The following ASRGL1 variants were observed in gnomAD, a reference collection of about 807,000 sequenced individuals.
ASRGL1 encodes the protein isoaspartyl peptidase/L-asparaginase.
In ASRGL1, 16 loss-of-function variants were observed where a neutral mutation model predicts 22.4. That is an observed-to-expected ratio of 0.71 (90% CI 0.48 to 1.08). The LOEUF (loss-of-function observed/expected upper bound fraction) is 1.08, where lower values mean the gene tolerates loss of function less well. Ranked by LOEUF, ASRGL1 falls within the 50% of genes least tolerant of loss-of-function variation. The pLI, the probability that ASRGL1 is intolerant of heterozygous loss-of-function variation, is 0.00. For missense variants in ASRGL1, 412 were observed against 410.1 expected (o/e 1.00, Z -0.04); for synonymous variants, 165 against 159.3 (o/e 1.04, Z -0.27).
the ASRGL1 span, among the ~76,000 whole-genome samples, chr11:62,399,202 ACAAAACTC>A: frequency 6.6e-6 from 1 of 152,090 alleles, no homozygotes; most frequent in Non-Finnish European, 1.5e-5. Context: ...GGCGACAAGA[ACAAAACTC>A]CAACTCAAAA....
At chr11:62,383,913 C>CAAAA (rs35068655) in intron 4 of ASRGL1, among the ~76,000 whole-genome samples, 9 of 122,250 alleles carry the variant, frequency 7.4e-5, no homozygotes, top group African/African-American at 1.3e-4. Context: ...GAGTTGGTCT[C>CAAAA]AAAAAAAAAA....
intron 4 of ASRGL1, 96 bp from the exon 5 acceptor site, chr11:62,389,037 T>C: frequency 4.7e-6 from 5 of 1,060,790 alleles, no homozygotes; most frequent in Non-Finnish European, 7.1e-6. Context: ...CATCAACATA[T>C]AACATGAAAC....
At chr11:62,383,453 A>G (rs1292210745) in intron 4 of ASRGL1, among the ~76,000 whole-genome samples, 1 of 151,086 alleles carries the variant, frequency 6.6e-6, no homozygotes, top group Non-Finnish European at 1.5e-5. Context: ...AATACAAAAA[A>G]TTAGCCGGGC....
intron 4 of ASRGL1, among the ~76,000 whole-genome samples, chr11:62,375,146 A>T (rs538174806): frequency 1.5e-4 from 23 of 152,126 alleles, no homozygotes; most frequent in Non-Finnish European, 2.8e-4. Context: ...CAAAGTGAAG[A>T]CTGCCTTGTC....
At chr11:62,366,455 T>C (rs1190207815) in intron 4 of ASRGL1, among the ~76,000 whole-genome samples, 617 of 140,762 alleles carry the variant, frequency 4.4e-3, no homozygotes, top group African/African-American at 0.015. Flanking sequence ...GAGGTGGGCC[T>C]GCCACCAGCA....
the ASRGL1 span, among the ~76,000 whole-genome samples, chr11:62,400,103 C>T: frequency 1.3e-5 from 2 of 152,160 alleles, no homozygotes; most frequent in African/African-American, 4.8e-5. Context: ...GTCTAAACCC[C>T]TTGGCCGACT....
chr11:62,357,481 C>G (rs7483087), intron 4 of ASRGL1, among the ~76,000 whole-genome samples: 2 of 141,744 alleles, frequency 1.4e-5, no homozygotes, highest in African/African-American at 5.2e-5. Context: ...AGGCTGGTCT[C>G]AAACTCCTGA....
chr11:62,395,759 C>CTTTTTTTTTTTTT (rs564952668), downstream of ASRGL1, among the ~76,000 whole-genome samples: 1 of 71,942 alleles, frequency 1.4e-5, no homozygotes, highest in African/African-American at 5.1e-5. Flanking sequence ...GTAGCTGTTT[C>CTTTTTTTTTTTTT]TTTTTTTTTT....
intron 4 of ASRGL1, among the ~76,000 whole-genome samples, chr11:62,381,293 T>C (rs1195579719): frequency 1.3e-5 from 2 of 152,190 alleles, no homozygotes; most frequent in African/African-American, 4.8e-5. Context: ...TGGACCTTTT[T>C]CTTCTAATTC....
chr11:62,388,105 C>G (rs1009489371), intron 4 of ASRGL1, among the ~76,000 whole-genome samples: 1 of 152,130 alleles, frequency 6.6e-6, no homozygotes, highest in African/African-American at 2.4e-5. Context: ...CAGCATGTGA[C>G]TGTCCTGAAT....
chr11:62,357,356 T>C (rs555080805), intron 4 of ASRGL1, among the ~76,000 whole-genome samples: 8 of 151,640 alleles, frequency 5.3e-5, no homozygotes, highest in African/African-American at 1.7e-4. Context: ...CTCAAGCGGT[T>C]CTCCTGCCTC....
intron 6 of ASRGL1, 196 bp downstream of exon 6, chr11:62,391,828 T>C: frequency 1.3e-6 from 1 of 764,568 alleles, no homozygotes; most frequent in East Asian, 2.7e-5. Flanking sequence ...TACTGTTATC[T>C]TCCACATCTC....
downstream of ASRGL1, among the ~76,000 whole-genome samples, chr11:62,397,958 G>T (rs1435013622): frequency 6.6e-6 from 1 of 152,012 alleles, no homozygotes; most frequent in African/African-American, 2.4e-5. Flanking sequence ...GGCACTGCTT[G>T]CTGGGTAGTT....
intron 4 of ASRGL1, chr11:62,371,144 A>G (rs891350401): frequency 6.6e-5 from 73 of 1,100,900 alleles, no homozygotes; most frequent in Non-Finnish European, 7.7e-5. Flanking sequence ...ATGCCCAGGA[A>G]GAAGGCGGCG....
intron 4 of ASRGL1, chr11:62,372,068 G>A: frequency 1.3e-6 from 1 of 759,602 alleles, no homozygotes; most frequent in Non-Finnish European, 2.4e-6. Flanking sequence ...GGTGCGGACA[G>A]TGGTCTCTGG....
At chr11:62,385,019 TATAACTTCCCAATATTAA>T (rs1426825266) in intron 4 of ASRGL1, among the ~76,000 whole-genome samples, 1 of 146,884 alleles carries the variant, frequency 6.8e-6, no homozygotes, top group Non-Finnish European at 1.5e-5. Context: ...AGAACATACT[TATAACTTCCCAATATTAA>T]ATATATGGTA....
Position 62,356,964 on chromosome 11 carries a change from TTTCTC to T in ASRGL1, c.334-20_334-16del, listed in dbSNP as rs1420955568. ...TTAAAATTTTCAAAAAAACAATCATTTTCTCTTTTCTTTCTGGCTCAGACACCTCA... is the reference window on the plus strand; with the variant it reads ...TTAAAATTTTCAAAAAAACAATCATTTTTTCTTTCTGGCTCAGACACCTCA... On this transcript the variant is annotated intron_variant, in intron 3 of 6. Coordinates refer to ENST00000415229, the MANE Select transcript of ASRGL1 (RefSeq NM_001083926.2). 1.9e-6 allele frequency: 3 copies of T among 1,565,816 alleles called. No individual in the cohort carries two copies. Among genetic ancestry groups the T allele is most frequent in the African/African-American group, 1.4e-5 (1 of 72,306 alleles).
intron 2 of ASRGL1, among the ~76,000 whole-genome samples, chr11:62,344,465 T>G (rs755154095): frequency 6.6e-6 from 1 of 152,330 alleles, no homozygotes; most frequent in East Asian, 1.9e-4. Context: ...TTTTGTGTTG[T>G]ATCTTAATAT....
intron 2 of ASRGL1, among the ~76,000 whole-genome samples, chr11:62,350,339 A>G (rs1946140275): frequency 6.6e-6 from 1 of 152,154 alleles, no homozygotes; most frequent in Admixed American, 6.5e-5. Flanking sequence ...TTCACCCGGG[A>G]AAGGATATTT....
Sources: allele counts gnomAD v4.1 joint callset (sites outside exome capture counted in the v4.1 genomes callset), GRCh38; gene constraint gnomAD v4.1.1; transcripts MANE v1.5; gene names NCBI Gene and HGNC (gene_info 2026-07-23, HGNC 2026-07-21).